The following LIPI variants were observed in gnomAD, a reference collection of about 807,000 sequenced individuals.
LIPI encodes lipase member I.
A neutral mutation model predicts 50.6 loss-of-function variants in LIPI; 59 were observed. That is an observed-to-expected ratio of 1.16 (90% CI 0.94 to 1.45). The LOEUF is 1.45. Ranked by LOEUF, LIPI falls within the 40% of genes most tolerant of loss-of-function variation. LIPI has a pLI of 0.00. For synonymous variants in LIPI, 203 were observed against 178.2 expected (o/e 1.14, Z -1.11); for missense variants, 586 against 536.3 (o/e 1.09, Z -0.92).
chr21:14,174,288 G>A (rs1382970897), intron 4 of LIPI, among the ~76,000 whole-genome samples: 1 of 152,198 alleles, frequency 6.6e-6, no homozygotes, highest in Non-Finnish European at 1.5e-5. Context: ...TTGGTTTCAA[G>A]AAGGGTGGGG....
At chr21:14,150,353 T>G (rs1005886954) in intron 8 of LIPI, among the ~76,000 whole-genome samples, 1 of 152,222 alleles carries the variant, frequency 6.6e-6, no homozygotes, top group Non-Finnish European at 1.5e-5. Flanking sequence ...ACATGCTTTC[T>G]GTTCCCTGAC....
chr21:14,115,100 C>T (rs1003885038), intron 9 of LIPI, among the ~76,000 whole-genome samples: 3 of 152,040 alleles, frequency 2.0e-5, no homozygotes, highest in Admixed American at 6.6e-5. Context: ...TAGCAACCTC[C>T]GCACCCCGCT....
At position 14,207,835 on chromosome 21, in the gene LIPI, C is replaced by T. The variant is rs2020265835; in HGVS notation, c.46+2965G>A. Among the ~76,000 whole-genome samples the T allele has an allele frequency of 3.3e-5, 5 of 152,272 alleles. 1 individual carries two copies. The South Asian group carries it at 1.0e-3, about 32-fold the overall frequency. ...GATTATTCTAACCTAATTTATATTG[C>T]TTTCTACGTGACCAAATCAACATTT... On this transcript the variant is annotated intron_variant, in intron 1 of 9. Coordinates refer to ENST00000681601, the MANE Select transcript of LIPI (RefSeq NM_001302998.2).
chr21:14,108,875 C>A lies in LIPI; in HGVS notation c.*118G>T. On this transcript the variant is annotated 3_prime_UTR_variant, in exon 10 of 10. Coordinates refer to ENST00000681601, the MANE Select transcript of LIPI (RefSeq NM_001302998.2). ...TATTTTTGATTCTTAAAATTTTTTCCAAGAAATAGAAATACTTGAATCTCA... is the reference window on the plus strand; with the variant it reads ...TATTTTTGATTCTTAAAATTTTTTCAAAGAAATAGAAATACTTGAATCTCA... 1 of 1,273,532 alleles carries A rather than the reference C, an allele frequency of 7.9e-7. No individual in the cohort carries two copies. The highest frequency in any genetic ancestry group is 1.1e-6 in the Non-Finnish European group (1 of 908,288). 78.9% of individuals were successfully genotyped at this position (1,273,532 alleles called of 1,614,324 possible).
chr21:14,210,201 A>C (rs2020327326), intron 1 of LIPI, among the ~76,000 whole-genome samples: 1 of 152,078 alleles, frequency 6.6e-6, no homozygotes, highest in African/African-American at 2.4e-5. Context: ...AAGTCGAACA[A>C]GTAATTCTAC....
intron 1 of LIPI, among the ~76,000 whole-genome samples, chr21:14,193,048 T>TTA (rs2019729585): frequency 6.6e-6 from 1 of 152,226 alleles, no homozygotes; most frequent in Non-Finnish European, 1.5e-5. Context: ...TGAATGCATG[T>TTA]TAATGGGTAC....
intron 2 of LIPI, among the ~76,000 whole-genome samples, chr21:14,186,953 G>C (rs569936402): frequency 6.6e-6 from 1 of 152,078 alleles, no homozygotes; most frequent in Admixed American, 6.5e-5. Flanking sequence ...ATGGTATTTT[G>C]TTACAGCAGC....
chr21:14,175,494 G>T (rs2019063162), intron 4 of LIPI, among the ~76,000 whole-genome samples: 1 of 151,290 alleles, frequency 6.6e-6, no homozygotes, highest in African/African-American at 2.4e-5. Flanking sequence ...TTTTTTTTAT[G>T]GCTTGCTCTT....
intron 1 of LIPI, among the ~76,000 whole-genome samples, chr21:14,190,475 T>A (rs1283583660): frequency 6.6e-6 from 1 of 152,122 alleles, no homozygotes; most frequent in African/African-American, 2.4e-5. Context: ...TGCCAGTAAT[T>A]CCACTTTAAA....
chr21:14,154,220 C>G (rs1466732969), intron 7 of LIPI, among the ~76,000 whole-genome samples: 2 of 150,910 alleles, frequency 1.3e-5, no homozygotes, highest in Non-Finnish European at 3.0e-5. Flanking sequence ...AGATTATCTT[C>G]ACAGAAAAAT....
chr21:14,203,314 C>T (rs2020124717), intron 1 of LIPI, among the ~76,000 whole-genome samples: 1 of 152,086 alleles, frequency 6.6e-6, no homozygotes, highest in Admixed American at 6.6e-5. Flanking sequence ...TACCATTTGA[C>T]CCAGCAATCC....
At chr21:14,203,935 A>T (rs1232076913) in intron 1 of LIPI, among the ~76,000 whole-genome samples, 1 of 152,090 alleles carries the variant, frequency 6.6e-6, no homozygotes, top group Non-Finnish European at 1.5e-5. Context: ...TAGCCTTCAC[A>T]GGGACACGAA....
At chr21:14,178,434 T>C (rs182974294) in intron 4 of LIPI, among the ~76,000 whole-genome samples, 5 of 152,318 alleles carry the variant, frequency 3.3e-5, no homozygotes, top group Non-Finnish European at 7.4e-5. Context: ...TTTCACCTAC[T>C]TTTTAGTTCA....
chr21:14,148,698 T>A (rs1012299292), intron 8 of LIPI, among the ~76,000 whole-genome samples: 1 of 152,200 alleles, frequency 6.6e-6, no homozygotes, highest in Non-Finnish European at 1.5e-5. Context: ...TTGGACTCTA[T>A]AATGTCCAAG....
chr21:14,183,909 T>C (rs150229743), intron 3 of LIPI, among the ~76,000 whole-genome samples: 20,914 of 152,136 alleles, frequency 0.14, 1,871 homozygotes, highest in Non-Finnish European at 0.2. Flanking sequence ...ACTGTGGAAG[T>C]CAGTGTGGCG....
At chr21:14,141,097 T>C (rs1206214018) in intron 9 of LIPI, among the ~76,000 whole-genome samples, 1 of 152,168 alleles carries the variant, frequency 6.6e-6, no homozygotes, top group Non-Finnish European at 1.5e-5. Flanking sequence ...TTTTCGTTCT[T>C]TTAGTTCCTG....
chr21:14,118,225 C>G (rs142835240), intron 9 of LIPI, among the ~76,000 whole-genome samples: 1 of 151,988 alleles, frequency 6.6e-6, no homozygotes, highest in Non-Finnish European at 1.5e-5. Context: ...TGAGACAGAT[C>G]GGGCTCCATC....
chr21:14,177,691 T>G (rs2019142895), intron 4 of LIPI, among the ~76,000 whole-genome samples: 1 of 152,094 alleles, frequency 6.6e-6, no homozygotes. Flanking sequence ...AGCTGGAAAT[T>G]CATTTATCAC....
chr21:14,186,843 C>G (rs1246751183), intron 2 of LIPI, among the ~76,000 whole-genome samples: 1 of 152,148 alleles, frequency 6.6e-6, no homozygotes, highest in Non-Finnish European at 1.5e-5. Flanking sequence ...AGGAATTGGG[C>G]CCTCACCAGA....
Sources: allele counts gnomAD v4.1 joint callset (sites outside exome capture counted in the v4.1 genomes callset), GRCh38; gene constraint gnomAD v4.1.1; transcripts MANE v1.5; gene names NCBI Gene and HGNC (gene_info 2026-07-23, HGNC 2026-07-21).